Variants in TMPRSS11F observed in about 807,000 individuals in gnomAD.
TMPRSS11F encodes the protein transmembrane protease serine 11F.
A neutral mutation model predicts 60.2 loss-of-function variants in TMPRSS11F; 47 were observed. That is an observed-to-expected ratio of 0.78 (90% CI 0.62 to 1.00). TMPRSS11F has a LOEUF of 1.00. TMPRSS11F is among the 50% of genes least tolerant of loss of function. The probability of loss-of-function intolerance (pLI) is 0.00; values close to 1 mark genes in which losing one functional copy is unlikely to be tolerated. For missense variants in TMPRSS11F, 519 were observed against 522.9 expected (o/e 0.99, Z 0.07); for synonymous variants, 166 against 167.3 (o/e 0.99, Z 0.06).
intron 8 of TMPRSS11F, among the ~76,000 whole-genome samples, chr4:68,063,823 CAA>C (rs759543994): frequency 1.3e-5 from 2 of 151,296 alleles, no homozygotes; most frequent in African/African-American, 2.4e-5. Context: ...ATTGACTAAC[CAA>C]AAAAAATGCT....
intron 3 of TMPRSS11F, among the ~76,000 whole-genome samples, chr4:68,074,394 C>T (rs1457459152): frequency 6.6e-6 from 1 of 152,212 alleles, no homozygotes; most frequent in Admixed American, 6.5e-5. Flanking sequence ...GTTTTAAATA[C>T]TGTCAAGTAA....
At chr4:68,066,724 G>A (rs1335397152) in intron 7 of TMPRSS11F, among the ~76,000 whole-genome samples, 2 of 151,730 alleles carry the variant, frequency 1.3e-5, no homozygotes, top group Non-Finnish European at 1.5e-5. Context: ...TCATGAGGTC[G>A]GGAGATCGAG....
intron 1 of TMPRSS11F, among the ~76,000 whole-genome samples, chr4:68,126,265 T>A (rs1169146158): frequency 6.6e-6 from 1 of 152,198 alleles, no homozygotes; most frequent in East Asian, 1.9e-4. Context: ...TATGTAGATA[T>A]ATACATATGT....
At chr4:68,063,478 G>A (rs759848815) in intron 8 of TMPRSS11F, among the ~76,000 whole-genome samples, 2 of 152,176 alleles carry the variant, frequency 1.3e-5, no homozygotes, top group East Asian at 3.9e-4. Flanking sequence ...CCAGAGTCAA[G>A]CAATTCTCCT....
chr4:68,075,808 C>A (rs1723571202), intron 3 of TMPRSS11F, among the ~76,000 whole-genome samples: 1 of 152,000 alleles, frequency 6.6e-6, no homozygotes, highest in Non-Finnish European at 1.5e-5. Context: ...TCCTGGCTAA[C>A]AAGGTGACAC....
chr4:68,115,145 C>T (rs778479488), intron 1 of TMPRSS11F, among the ~76,000 whole-genome samples: 7 of 151,252 alleles, frequency 4.6e-5, no homozygotes, highest in Non-Finnish European at 1.0e-4. Context: ...GTCAGGAGAT[C>T]GAGACCATCC....
rs527893426 is a variant in TMPRSS11F at position 68,111,831 on chromosome 4, T to C, written c.12-12793A>G. On this transcript the variant is annotated intron_variant, in intron 1 of 9. Transcript: ENST00000356291. ...TTAGGCAAGGTAAATTTGACAAGTA[T>C]TGGAACCAAGATTTGGACTCAGAAC... 7.2e-5 allele frequency among the ~76,000 whole-genome samples: 11 copies of C among 152,296 alleles called. 2 individuals are homozygous for C. The highest frequency in any genetic ancestry group is 7.2e-4 in the Admixed American group (11 of 15,298).
intron 1 of TMPRSS11F, among the ~76,000 whole-genome samples, chr4:68,127,850 A>T (rs1195940303): frequency 6.6e-6 from 1 of 152,152 alleles, no homozygotes; most frequent in Non-Finnish European, 1.5e-5. Flanking sequence ...CCAACAACAA[A>T]TGAACAATAC....
At chr4:68,125,127 A>T (rs1389607459) in intron 1 of TMPRSS11F, among the ~76,000 whole-genome samples, 1 of 151,684 alleles carries the variant, frequency 6.6e-6, no homozygotes, top group East Asian at 1.9e-4. Context: ...CCTGTATTCA[A>T]TGGTTTTTTT....
chr4:68,059,292 C>A, intron 9 of TMPRSS11F, 34 bp downstream of exon 9: 1 of 1,603,418 alleles, frequency 6.2e-7, no homozygotes, highest in East Asian at 2.2e-5. Context: ...TGGAAACTTT[C>A]CTCATAAACT....
chr4:68,053,836 G>A lies in TMPRSS11F; in HGVS notation c.*73C>T. 1.4e-6 allele frequency: 2 copies of A among 1,434,016 alleles called. No homozygotes were observed. The highest frequency in any genetic ancestry group is 1.9e-6 in the Non-Finnish European group (2 of 1,047,296). 88.8% of individuals were successfully genotyped at this position (1,434,016 alleles called of 1,614,324 possible). A position where few individuals can be genotyped will look rare whatever the true frequency, so the allele number is the denominator to read the frequency against. ...GCAAAAGCACTAATCCAAAGTAAAT[G>A]AATTTAAACAATACAAAATACGCAG... is the stretch of plus-strand genomic sequence containing the variant. On this transcript the variant is annotated 3_prime_UTR_variant, in exon 10 of 10. Transcript: ENST00000356291.
At chr4:68,118,127 C>G (rs909942377) in intron 1 of TMPRSS11F, among the ~76,000 whole-genome samples, 2 of 152,158 alleles carry the variant, frequency 1.3e-5, no homozygotes, top group African/African-American at 4.8e-5. Context: ...GGTCTCATAT[C>G]ACACATTTGA....
At chr4:68,121,128 C>A (rs1302619848) in intron 1 of TMPRSS11F, among the ~76,000 whole-genome samples, 1 of 152,212 alleles carries the variant, frequency 6.6e-6, no homozygotes, top group African/African-American at 2.4e-5. Context: ...TGGATCCATA[C>A]TTCTTAGGTC....
intron 5 of TMPRSS11F, among the ~76,000 whole-genome samples, chr4:68,070,745 G>T (rs1245117437): frequency 6.6e-6 from 1 of 152,104 alleles, no homozygotes; most frequent in South Asian, 2.1e-4. Flanking sequence ...TGTTTGTTGG[G>T]TTAGTGATTG....
At chr4:68,109,496 T>G (rs1437131333) in intron 1 of TMPRSS11F, among the ~76,000 whole-genome samples, 2 of 152,146 alleles carry the variant, frequency 1.3e-5, no homozygotes, top group Admixed American at 1.3e-4. Context: ...CCCTAAAAAT[T>G]TTATAAGTCT....
rs753619019 is a variant in TMPRSS11F, at chr4:68,068,593, C to T, written c.755+25G>A. 6 of 1,605,820 alleles carry T rather than the reference C, an allele frequency of 3.7e-6. No homozygotes were observed. In the Middle Eastern group the frequency reaches 8.6e-4, roughly 229 times the overall value. On this transcript the variant is annotated intron_variant, in intron 7 of 9. Coordinates refer to ENST00000356291, the MANE Select transcript of TMPRSS11F (RefSeq NM_207407.2). Reference sequence around the variant, plus strand: ...GCAGATGAGGACTGTGAAAAGAAGGCTCACAGCAGCCTTGGTTAACTTACT... The same window carrying T: ...GCAGATGAGGACTGTGAAAAGAAGGTTCACAGCAGCCTTGGTTAACTTACT...
chr4:68,063,336 C>A, intron 8 of TMPRSS11F: 1 of 479,376 alleles, frequency 2.1e-6, no homozygotes. Flanking sequence ...CTCATTAAAA[C>A]ATTCAGTTAA....
intron 3 of TMPRSS11F, among the ~76,000 whole-genome samples, chr4:68,086,637 A>G (rs1370052307): frequency 6.6e-6 from 1 of 152,112 alleles, no homozygotes; most frequent in African/African-American, 2.4e-5. Flanking sequence ...TAAATTAGAA[A>G]AAGAGAGAGA....
At chr4:68,069,361 A>T (rs1440380736) in intron 6 of TMPRSS11F, among the ~76,000 whole-genome samples, 1 of 152,200 alleles carries the variant, frequency 6.6e-6, no homozygotes, top group African/African-American at 2.4e-5. Context: ...ATTTTAACAG[A>T]TTTAAACACT....
Sources: gnomAD v4.1 joint callset for allele counts (sites outside exome capture counted in the v4.1 genomes callset) on GRCh38, gnomAD v4.1.1 for gene constraint, MANE v1.5 for transcripts, NCBI Gene and HGNC (gene_info 2026-07-23, HGNC 2026-07-21) for gene names.